IMPG2: variants seen among roughly 807,000 people sequenced by gnomAD.
IMPG2 encodes the protein interphotoreceptor matrix proteoglycan 2, also known as IPM 200.
Under a neutral mutation model 129.2 loss-of-function variants are expected in IMPG2, and 91 were observed. The observed-to-expected ratio is 0.70, with a 90% CI of 0.59 to 0.84. The LOEUF (loss-of-function observed/expected upper bound fraction) is 0.84, where lower values mean the gene tolerates loss of function less well. Among genes scored for constraint, IMPG2 ranks in the 40% least tolerant of loss-of-function variants. IMPG2 has a pLI of 0.00. For missense variants in IMPG2, 1,430 were observed against 1,461.7 expected, an observed-to-expected ratio of 0.98 and a Z score of 0.35; for synonymous variants, 510 against 517.7, an observed-to-expected ratio of 0.99 and a Z score of 0.20.
rs954724754 is a variant in IMPG2, at chr3:101,314,786, T to C, written c.334+4798A>G. On this transcript the variant is annotated intron_variant, in intron 2 of 18. Coordinates refer to ENST00000193391, the MANE Select transcript of IMPG2 (RefSeq NM_016247.4). Reference sequence around the variant, plus strand: ...ATCAGAAAACATTCCTGAAAGAAACTGAAGATGACCTAAATAAATGGAGGG... The same window carrying C: ...ATCAGAAAACATTCCTGAAAGAAACCGAAGATGACCTAAATAAATGGAGGG... Among the ~76,000 whole-genome samples the C allele has an allele frequency of 2.0e-5, 3 of 152,112 alleles. No individual in the cohort carries two copies. The East Asian group carries it at 5.8e-4, about 29-fold the overall frequency.
chr3:101,314,969 T>C (rs1298629593), intron 2 of IMPG2, among the ~76,000 whole-genome samples: 1 of 152,010 alleles, frequency 6.6e-6, no homozygotes, highest in Non-Finnish European at 1.5e-5. Flanking sequence ...ACAGTCAAAA[T>C]GCAGGCTCAC....
chr3:101,244,883 A>G, intron 12 of IMPG2, 96 bp from the exon 13 acceptor site: 2 of 1,016,680 alleles, frequency 2.0e-6, no homozygotes, highest in Non-Finnish European at 3.0e-6. Context: ...TTCCCTGTGA[A>G]GTTAAGAGGG....
intron 10 of IMPG2, among the ~76,000 whole-genome samples, chr3:101,255,517 C>G (rs1576752848): frequency 6.6e-6 from 1 of 152,132 alleles, no homozygotes; most frequent in Non-Finnish European, 1.5e-5. Flanking sequence ...ATCTTCACGC[C>G]ATTCTCCTAC....
intron 4 of IMPG2, among the ~76,000 whole-genome samples, chr3:101,278,802 G>A (rs1369175163): frequency 6.6e-6 from 1 of 151,948 alleles, no homozygotes; most frequent in African/African-American, 2.4e-5. Context: ...CATCAGTATT[G>A]TTTATTTAGA....
At chr3:101,305,031 CA>C (rs1452527303) in intron 2 of IMPG2, among the ~76,000 whole-genome samples, 1 of 152,034 alleles carries the variant, frequency 6.6e-6, no homozygotes, top group East Asian at 1.9e-4. Context: ...TATGTTCACA[CA>C]AAAACCTGCA....
intron 18 of IMPG2, chr3:101,227,723 C>A: frequency 2.2e-6 from 1 of 447,592 alleles, no homozygotes. Flanking sequence ...GCAGCACCTC[C>A]TAGGAGCCAA....
chr3:101,317,083 G>T (rs187628506), intron 2 of IMPG2, among the ~76,000 whole-genome samples: 17 of 152,062 alleles, frequency 1.1e-4, no homozygotes, highest in African/African-American at 4.1e-4. Context: ...GTAAGGAGAG[G>T]TAGTGAGGGA....
intron 3 of IMPG2, among the ~76,000 whole-genome samples, chr3:101,294,294 CA>C (rs1707054392): frequency 6.6e-6 from 1 of 151,902 alleles, no homozygotes; most frequent in African/African-American, 2.4e-5. Flanking sequence ...TTCCTTTTTC[CA>C]TGTGTTCTCA....
chr3:101,275,863 C>T lies in IMPG2; in HGVS notation c.584-118G>A. The stretch of plus-strand genomic sequence containing the variant: ...TCCTATAAATAGTTTGTTTTATTGT[C>T]CTGGAAATTCGGTGCATTCTAACCT... On this transcript the variant is annotated intron_variant, in intron 5 of 18. Coordinates refer to ENST00000193391, the MANE Select transcript of IMPG2 (RefSeq NM_016247.4). The T allele has an allele frequency of 5.1e-6, 4 of 777,110 alleles. No individual in the cohort carries two copies. In the South Asian group the frequency reaches 5.9e-5, roughly 11 times the overall value. The allele number at this position is 777,110 out of a possible 1,614,324, so 48.1% of individuals were successfully genotyped here.
chr3:101,236,555 C>T (rs1402995248), intron 14 of IMPG2, among the ~76,000 whole-genome samples: 1 of 152,082 alleles, frequency 6.6e-6, no homozygotes, highest in Non-Finnish European at 1.5e-5. Flanking sequence ...AGAGGGTGAG[C>T]CAAAGTAGGG....
chr3:101,263,100 T>C (rs934210379), intron 9 of IMPG2, among the ~76,000 whole-genome samples: 1 of 151,984 alleles, frequency 6.6e-6, no homozygotes, highest in Admixed American at 6.6e-5. Context: ...ACAATAACAG[T>C]TGAGGACTTC....
chr3:101,320,359 G>C lies in IMPG2; in HGVS notation c.14C>G (p.Pro5Arg). ...ACCCAGAGAAATCTTCCCAAAAAGA[G>C]GAAACATAATCATTTGGGCCAAAAC... MIMFPLFGKISLGIL... is the reference protein window; with the variant it reads MIMFRLFGKISLGIL... The change falls in exon 1 of 19, where the codon CCT becomes CGT. Residue 5 changes from proline to arginine, a missense_variant. Pro to Arg is a moderately radical substitution (Grantham distance 103). Coordinates refer to ENST00000193391, the MANE Select transcript of IMPG2 (RefSeq NM_016247.4). 6.2e-7 allele frequency: 1 copy of C among 1,606,954 alleles called. No individual in the cohort carries two copies. Among genetic ancestry groups the C allele is most frequent in the East Asian group, 2.2e-5 (1 of 44,644 alleles).
At chr3:101,263,408 T>C (rs1706690732) in intron 9 of IMPG2, among the ~76,000 whole-genome samples, 1 of 151,940 alleles carries the variant, frequency 6.6e-6, no homozygotes, top group African/African-American at 2.4e-5. Flanking sequence ...GAGACAAATT[T>C]AAAACTATAC....
intron 4 of IMPG2, among the ~76,000 whole-genome samples, chr3:101,282,226 A>G (rs1389882265): frequency 6.6e-6 from 1 of 152,122 alleles, no homozygotes; most frequent in African/African-American, 2.4e-5. Context: ...GTGGGCAAAT[A>G]AGGGTTTTAA....
intron 3 of IMPG2, among the ~76,000 whole-genome samples, chr3:101,299,408 A>T (rs1707116040): frequency 6.6e-6 from 1 of 152,082 alleles, no homozygotes; most frequent in African/African-American, 2.4e-5. Context: ...CATCCATCTT[A>T]TCCTCCATCC....
At chr3:101,310,336 C>T (rs1254289350) in intron 2 of IMPG2, among the ~76,000 whole-genome samples, 3 of 152,056 alleles carry the variant, frequency 2.0e-5, no homozygotes, top group African/African-American at 4.8e-5. Context: ...CCAAAGTAGG[C>T]AGATCACTCG....
At chr3:101,292,319 G>T (rs998769427) in intron 3 of IMPG2, among the ~76,000 whole-genome samples, 9 of 152,120 alleles carry the variant, frequency 5.9e-5, no homozygotes, top group Non-Finnish European at 1.2e-4. Flanking sequence ...TTACAGGTTT[G>T]GTTCCAGACC....
intron 9 of IMPG2, among the ~76,000 whole-genome samples, chr3:101,260,154 T>TAAGG (rs1706654573): frequency 6.6e-6 from 1 of 152,078 alleles, no homozygotes; most frequent in Non-Finnish European, 1.5e-5. Flanking sequence ...ACCTGCCATA[T>TAAGG]AAGGAAGCAG....
At chr3:101,295,537 C>T (rs1707070550) in intron 3 of IMPG2, among the ~76,000 whole-genome samples, 1 of 152,092 alleles carries the variant, frequency 6.6e-6, no homozygotes, top group African/African-American at 2.4e-5. Flanking sequence ...GTTGTTTTTG[C>T]TTAAGATTGT....
Sources: allele counts gnomAD v4.1 joint callset (sites outside exome capture counted in the v4.1 genomes callset), GRCh38; gene constraint gnomAD v4.1.1; transcripts MANE v1.5; gene names NCBI Gene and HGNC (gene_info 2026-07-23, HGNC 2026-07-21).